The following EML6 variants were observed in gnomAD, a reference collection of about 807,000 sequenced individuals.
The protein encoded by EML6 is EMAP like 6.
EML6 carries 154 observed loss-of-function variants against 240.1 expected under a neutral mutation model. That is an observed-to-expected ratio of 0.64 (90% CI 0.56 to 0.73). The LOEUF is 0.73. Ranked by LOEUF, EML6 falls within the 30% of genes least tolerant of loss-of-function variation. The pLI, the probability that EML6 is intolerant of heterozygous loss-of-function variation, is 0.00. For synonymous variants in EML6, 1,148 were observed against 899.0 expected (o/e 1.28, Z -4.95); for missense variants, 2,964 against 2,474.6 (o/e 1.20, Z -4.20).
intron 2 of EML6, among the ~76,000 whole-genome samples, chr2:54,801,344 T>C (rs1001504293): frequency 1.3e-5 from 2 of 151,518 alleles, no homozygotes; most frequent in African/African-American, 2.4e-5. Context: ...AGGTTTCTCA[T>C]TGGAATTGAA....
chr2:54,726,245 T>C (rs1032283592), intron 2 of EML6, among the ~76,000 whole-genome samples: 6 of 152,240 alleles, frequency 3.9e-5, no homozygotes, highest in African/African-American at 1.4e-4. Context: ...TATTTATACC[T>C]TCCAAACTTG....
At chr2:54,854,478 ACCTCTT>A (rs1325080738) in intron 11 of EML6, among the ~76,000 whole-genome samples, 1 of 152,182 alleles carries the variant, frequency 6.6e-6, no homozygotes. Context: ...CCATGTAATG[ACCTCTT>A]CTTCCTTTGC....
intron 21 of EML6, among the ~76,000 whole-genome samples, chr2:54,899,430 A>T (rs926786265): frequency 6.6e-6 from 1 of 152,248 alleles, no homozygotes; most frequent in Non-Finnish European, 1.5e-5. Flanking sequence ...CAAATGAATG[A>T]TTTAGCATCG....
Position 54,858,412 on chromosome 2 carries a change from G to A in EML6, c.1658-1122G>A, listed in dbSNP as rs191937214. On this transcript the variant is annotated intron_variant, in intron 11 of 41. Transcript: ENST00000356458. ...ATTGATCTGTGAGGAAGGTATAAAG[G>A]TCAAGGAAGCAAAGAAGAGGCCAAC... is the stretch of plus-strand genomic sequence containing the variant. Among the ~76,000 whole-genome samples the A allele has an allele frequency of 2.8e-3, 419 of 152,310 alleles. 3 individuals carry two copies. Among genetic ancestry groups the A allele is most frequent in the African/African-American group, 9.8e-3 (407 of 41,566 alleles).
At chr2:54,756,194 G>C (rs1667719143) in intron 2 of EML6, among the ~76,000 whole-genome samples, 1 of 152,066 alleles carries the variant, frequency 6.6e-6, no homozygotes, top group Non-Finnish European at 1.5e-5. Context: ...AGGCAGAGTG[G>C]GTGAAATTTA....
chr2:54,947,007 C>T (rs986409721), intron 28 of EML6, among the ~76,000 whole-genome samples: 7 of 151,496 alleles, frequency 4.6e-5, no homozygotes, highest in African/African-American at 1.2e-4. Context: ...TGTGCTTGTA[C>T]GCATACTCTA....
At chr2:54,826,070 T>A (rs2104152236) in intron 5 of EML6, among the ~76,000 whole-genome samples, 1 of 152,318 alleles carries the variant, frequency 6.6e-6, no homozygotes, top group African/African-American at 2.4e-5. Flanking sequence ...CTTAAAATTA[T>A]CTCATTGTTT....
intron 17 of EML6, chr2:54,881,856 T>C (rs1671830309): frequency 6.6e-6 from 1 of 152,274 alleles, no homozygotes; most frequent in South Asian, 2.1e-4. Context: ...GGCTGAACAA[T>C]TAACCTGCTT....
At chr2:54,848,964 C>T (rs957943767) in intron 9 of EML6, among the ~76,000 whole-genome samples, 4 of 152,056 alleles carry the variant, frequency 2.6e-5, no homozygotes, top group African/African-American at 7.3e-5. Context: ...AACAGTCACT[C>T]GTTTCTTAAA....
In EML6 at chr2:54,950,582, G is replaced by A. The variant is rs566885649; in HGVS notation, c.4084-68G>A. On this transcript the variant is annotated intron_variant, in intron 29 of 41. Transcript: ENST00000356458. ...GGACACACGAGGCTGCTCACGCAAT[G>A]TGGGTGTGTTCCTCGGCTCTCCCTT... 5 of 1,525,806 alleles carry A rather than the reference G, an allele frequency of 3.3e-6. No individual in the cohort carries two copies. In the South Asian group the frequency reaches 3.7e-5, roughly 11 times the overall value. 94.5% of individuals were successfully genotyped at this position (1,525,806 alleles called of 1,614,324 possible).
Position 54,924,184 on chromosome 2 carries a change from C to G in EML6, c.3676-4129C>G, listed in dbSNP as rs541030022. On this transcript the variant is annotated intron_variant, in intron 26 of 41. Transcript: ENST00000356458. ...AAAATATATATAACATTTTAAGAAA[C>G]TGCCAGACCTTTTTCCAAAGTTGTA... 3.5e-4 allele frequency among the ~76,000 whole-genome samples: 54 copies of G among 152,232 alleles called. 1 individual carries two copies. In the South Asian group the frequency reaches 0.011, roughly 30 times the overall value.
At position 54,812,095 on chromosome 2, in the gene EML6, A is replaced by G. The variant is rs147228593; in HGVS notation, c.198-1137A>G. On this transcript the variant is annotated intron_variant, in intron 2 of 41. Transcript: ENST00000356458. ...ATAGATATATAATGCTGATTACACA[A>G]AAGACAAAATTTGTATTCAGTGTTC... Among the ~76,000 whole-genome samples the G allele has an allele frequency of 1.6e-3, 245 of 152,316 alleles. 1 individual carries two copies. Among genetic ancestry groups the G allele is most frequent in the African/African-American group, 5.7e-3 (236 of 41,566 alleles).
At chr2:54,781,189 T>C (rs1438287191) in intron 2 of EML6, among the ~76,000 whole-genome samples, 1 of 152,168 alleles carries the variant, frequency 6.6e-6, no homozygotes, top group East Asian at 1.9e-4. Flanking sequence ...ATAGAAATGG[T>C]CAGTATCTTG....
At chr2:54,829,266 A>C (rs1668745391) in intron 6 of EML6, 76 bp from the exon 7 acceptor site, 4 of 1,386,550 alleles carry the variant, frequency 2.9e-6, no homozygotes, top group Non-Finnish European at 2.9e-6. Flanking sequence ...TATGTTTTTA[A>C]ATCAACATTC....
chr2:54,914,858 A>C (rs1673827196), intron 25 of EML6, among the ~76,000 whole-genome samples: 2 of 152,280 alleles, frequency 1.3e-5, no homozygotes, highest in South Asian at 4.1e-4. Context: ...AATATGACAA[A>C]TGTTAAAATG....
chr2:54,859,498 T>C, intron 11 of EML6, 36 bp from the exon 12 acceptor site: 1 of 1,524,666 alleles, frequency 6.6e-7, no homozygotes, highest in Non-Finnish European at 8.9e-7. Flanking sequence ...ACTCTTCTTT[T>C]TTCATAACTA....
intron 28 of EML6, among the ~76,000 whole-genome samples, chr2:54,932,533 T>C (rs958623703): frequency 6.6e-6 from 1 of 152,164 alleles, no homozygotes; most frequent in Non-Finnish European, 1.5e-5. Flanking sequence ...ACTCTCAACT[T>C]TTGACCTTAT....
At chr2:54,924,571 A>G (rs1173288064) in intron 26 of EML6, among the ~76,000 whole-genome samples, 3 of 151,980 alleles carry the variant, frequency 2.0e-5, no homozygotes, top group Admixed American at 2.0e-4. Flanking sequence ...ATTATTTATT[A>G]TTTTTCAAGA....
intron 17 of EML6, among the ~76,000 whole-genome samples, chr2:54,885,976 G>T (rs1484372050): frequency 6.6e-6 from 1 of 151,988 alleles, no homozygotes; most frequent in Non-Finnish European, 1.5e-5. Flanking sequence ...TCATCGTAGG[G>T]TTCACATTCA....
Sources: gnomAD v4.1 joint callset for allele counts (sites outside exome capture counted in the v4.1 genomes callset) on GRCh38, gnomAD v4.1.1 for gene constraint, MANE v1.5 for transcripts, NCBI Gene and HGNC (gene_info 2026-07-23, HGNC 2026-07-21) for gene names.